Variants in PIBF1 observed in about 807,000 individuals in gnomAD.
PIBF1 encodes the protein progesterone-induced-blocking factor 1.
A neutral mutation model predicts 112.5 loss-of-function variants in PIBF1; 90 were observed. The ratio of observed to expected loss-of-function variants is 0.80; its 90% CI spans 0.67 to 0.95. The LOEUF (loss-of-function observed/expected upper bound fraction) is 0.95. Ranked by LOEUF, PIBF1 falls within the 40% of genes least tolerant of loss-of-function variation. The pLI is 0.00. For missense variants in PIBF1, 915 were observed against 852.3 expected (o/e 1.07, Z -0.92); for synonymous variants, 301 against 288.6 (o/e 1.04, Z -0.44).
intron 14 of PIBF1, among the ~76,000 whole-genome samples, chr13:72,942,969 C>G (rs1225323924): frequency 6.6e-6 from 1 of 152,000 alleles, no homozygotes; most frequent in African/African-American, 2.4e-5. Context: ...TCACTGCACT[C>G]CAGCCCAGGT....
At chr13:72,972,194 T>A (rs1202353400) in intron 15 of PIBF1, among the ~76,000 whole-genome samples, 1 of 151,604 alleles carries the variant, frequency 6.6e-6, no homozygotes, top group Non-Finnish European at 1.5e-5. Context: ...TCTCCACACC[T>A]GGCTAACATT....
intron 17 of PIBF1, among the ~76,000 whole-genome samples, 154 bp from the exon 18 acceptor site, chr13:73,015,715 A>C (rs550094779): frequency 6.6e-6 from 1 of 152,348 alleles, no homozygotes; most frequent in African/African-American, 2.4e-5. Context: ...CAAAAGACAA[A>C]GTCTTCGCCC....
intron 11 of PIBF1, among the ~76,000 whole-genome samples, chr13:72,897,488 A>G (rs904393308): frequency 6.6e-6 from 1 of 152,228 alleles, no homozygotes; most frequent in African/African-American, 2.4e-5. Context: ...TTAGATGTAA[A>G]TGGCCTAAAT....
intron 10 of PIBF1, among the ~76,000 whole-genome samples, chr13:72,883,437 G>A (rs961839419): frequency 2.3e-4 from 35 of 152,158 alleles, no homozygotes; most frequent in African/African-American, 8.0e-4. Context: ...ACTATAGTCA[G>A]TAAGAATTTA....
intron 9 of PIBF1, among the ~76,000 whole-genome samples, chr13:72,845,789 A>G (rs1442171963): frequency 6.6e-6 from 1 of 152,170 alleles, no homozygotes; most frequent in African/African-American, 2.4e-5. Flanking sequence ...TCTTGGCCAC[A>G]TAAATGTCTT....
At chr13:72,955,373 TTGTGTGTG>T (rs150485983) in intron 14 of PIBF1, among the ~76,000 whole-genome samples, 3 of 147,692 alleles carry the variant, frequency 2.0e-5, no homozygotes, top group Non-Finnish European at 3.0e-5. Context: ...ATGTGTGTGT[TTGTGTGTG>T]TGTGTGTGTG....
intron 14 of PIBF1, among the ~76,000 whole-genome samples, chr13:72,951,142 G>A (rs1019954310): frequency 5.3e-5 from 8 of 152,212 alleles, no homozygotes; most frequent in African/African-American, 1.9e-4. Context: ...GTGTGCCTGT[G>A]TACACACACA....
intron 9 of PIBF1, among the ~76,000 whole-genome samples, chr13:72,850,588 G>A (rs966085682): frequency 1.3e-5 from 2 of 152,258 alleles, no homozygotes; most frequent in South Asian, 2.1e-4. Flanking sequence ...TTGAGCATTC[G>A]TGATTCATTA....
At chr13:72,987,288 A>G (rs933388513) in intron 16 of PIBF1, among the ~76,000 whole-genome samples, 4 of 150,906 alleles carry the variant, frequency 2.7e-5, no homozygotes, top group African/African-American at 7.4e-5. Flanking sequence ...GAGGAGACAC[A>G]TCCTGTTTTG....
At chr13:72,782,560 G>T (rs997329569) in intron 1 of PIBF1, among the ~76,000 whole-genome samples, 1 of 152,022 alleles carries the variant, frequency 6.6e-6, no homozygotes, top group African/African-American at 2.4e-5. Flanking sequence ...TATAGTTCTC[G>T]CTGTTTCCCC....
intron 16 of PIBF1, among the ~76,000 whole-genome samples, chr13:72,992,706 G>A (rs556339326): frequency 3.3e-5 from 5 of 152,304 alleles, no homozygotes; most frequent in African/African-American, 9.6e-5. Context: ...AGCTGCCAAG[G>A]AGGCTGAGGT....
intron 9 of PIBF1, among the ~76,000 whole-genome samples, chr13:72,835,866 G>A (rs866561513): frequency 5.9e-5 from 9 of 152,220 alleles, no homozygotes; most frequent in Middle Eastern, 6.8e-3. Context: ...TTGGGAGGCC[G>A]AGGTGGGCAG....
At chr13:72,946,988 G>A (rs1322202103) in intron 14 of PIBF1, among the ~76,000 whole-genome samples, 1 of 152,208 alleles carries the variant, frequency 6.6e-6, no homozygotes, top group Non-Finnish European at 1.5e-5. Context: ...GGCTCCACTA[G>A]GCAGTGTCCT....
At chr13:72,830,391 A>C (rs969453037) in intron 8 of PIBF1, among the ~76,000 whole-genome samples, 2 of 152,190 alleles carry the variant, frequency 1.3e-5, no homozygotes, top group African/African-American at 2.4e-5. Flanking sequence ...TTGCCTGTTT[A>C]GTATGATATT....
chr13:72,906,526 G>T (rs755667879), intron 11 of PIBF1, among the ~76,000 whole-genome samples: 5 of 151,872 alleles, frequency 3.3e-5, no homozygotes, highest in Non-Finnish European at 7.4e-5. Flanking sequence ...GTTCTCTTTG[G>T]CATTTCAGAA....
chr13:72,823,885 A>T (rs1238943111), intron 6 of PIBF1, among the ~76,000 whole-genome samples: 2 of 152,092 alleles, frequency 1.3e-5, no homozygotes, highest in Admixed American at 1.3e-4. Flanking sequence ...GGGGAATGCT[A>T]TTTAGAAATT....
chr13:72,927,958 TAC>T (rs1375603165), intron 13 of PIBF1, among the ~76,000 whole-genome samples: 11 of 73,088 alleles, frequency 1.5e-4, no homozygotes, highest in Admixed American at 4.9e-4. Flanking sequence ...TATATATATA[TAC>T]ACATATATAT....
In PIBF1 at chr13:72,806,664, T is replaced by C. The variant is rs906952658; in HGVS notation, c.672+8638T>C. Among the ~76,000 whole-genome samples, 4 of 152,318 alleles carry C rather than the reference T, an allele frequency of 2.6e-5. No individual in the cohort carries two copies. The East Asian group carries it at 7.7e-4, about 29-fold the overall frequency. On this transcript the variant is annotated intron_variant, in intron 5 of 17. Transcript: ENST00000326291. ...TGTGATGGTTTGCGGAGAATGATGG[T>C]TTCCAGTTTCATCCATGTCCCTGCA...
chr13:72,862,243 A>G (rs1251403602), intron 10 of PIBF1, among the ~76,000 whole-genome samples: 10 of 152,262 alleles, frequency 6.6e-5, no homozygotes, highest in African/African-American at 1.9e-4. Flanking sequence ...GTGAAGTTAC[A>G]GAACATGAAT....
Sources: gnomAD v4.1 joint callset for allele counts (sites outside exome capture counted in the v4.1 genomes callset) on GRCh38, gnomAD v4.1.1 for gene constraint, MANE v1.5 for transcripts, NCBI Gene and HGNC (gene_info 2026-07-23, HGNC 2026-07-21) for gene names.